The following CCDC85A variants were observed in gnomAD, a reference collection of about 807,000 sequenced individuals.
CCDC85A encodes coiled-coil domain-containing protein 85A.
Under a neutral mutation model 50.2 loss-of-function variants are expected in CCDC85A, and 38 were observed. The observed-to-expected ratio is 0.76, with a 90% CI of 0.58 to 0.99. CCDC85A has a LOEUF of 0.99. Among genes scored for constraint, CCDC85A ranks in the 50% least tolerant of loss-of-function variants. CCDC85A has a pLI of 0.00. For missense variants in CCDC85A, 820 were observed against 742.0 expected (o/e 1.11, Z -1.22); for synonymous variants, 366 against 301.4 (o/e 1.21, Z -2.22).
At chr2:56,195,458 T>A (rs1676486984) in intron 2 of CCDC85A, among the ~76,000 whole-genome samples, 2 of 152,226 alleles carry the variant, frequency 1.3e-5, no homozygotes, top group South Asian at 2.1e-4. Flanking sequence ...AAGTGACCAA[T>A]CTTATGCTGA....
At chr2:56,276,596 T>C (rs116484010) in intron 2 of CCDC85A, among the ~76,000 whole-genome samples, 1,742 of 152,258 alleles carry the variant, frequency 0.011, 25 homozygotes, top group African/African-American at 0.038. Context: ...CCACGTGAGA[T>C]GTGCCTTTCA....
chr2:56,365,326 A>C (rs1034491966), intron 3 of CCDC85A, among the ~76,000 whole-genome samples: 2 of 152,198 alleles, frequency 1.3e-5, no homozygotes, highest in African/African-American at 4.8e-5. Context: ...TTGCAGCCAC[A>C]GTTATGTGCC....
chr2:56,219,188 A>T (rs906929453), intron 2 of CCDC85A, among the ~76,000 whole-genome samples: 6 of 148,966 alleles, frequency 4.0e-5, no homozygotes, highest in Non-Finnish European at 8.9e-5. Flanking sequence ...CAAAAGTAGT[A>T]GTATAGAGTG....
chr2:56,244,068 C>T (rs976547452), intron 2 of CCDC85A, among the ~76,000 whole-genome samples: 1 of 152,174 alleles, frequency 6.6e-6, no homozygotes, highest in Non-Finnish European at 1.5e-5. Context: ...ATAACCACTA[C>T]CTGTCTACTG....
At chr2:56,207,679 C>T (rs1677012440) in intron 2 of CCDC85A, among the ~76,000 whole-genome samples, 1 of 152,104 alleles carries the variant, frequency 6.6e-6, no homozygotes, top group Non-Finnish European at 1.5e-5. Flanking sequence ...AAAACTTTCA[C>T]CTTCAGTTTC....
intron 1 of CCDC85A, among the ~76,000 whole-genome samples, chr2:56,191,225 A>T (rs899062877): frequency 6.6e-6 from 1 of 152,176 alleles, no homozygotes; most frequent in Non-Finnish European, 1.5e-5. Context: ...AACCTGCTTC[A>T]ATTTTCCTTC....
At chr2:56,328,540 C>G (rs1219644833) in intron 2 of CCDC85A, among the ~76,000 whole-genome samples, 1 of 152,138 alleles carries the variant, frequency 6.6e-6, no homozygotes, top group Non-Finnish European at 1.5e-5. Context: ...TCTCTGAGCT[C>G]CAGACCCACC....
chr2:56,367,802 G>A (rs1675875164), intron 3 of CCDC85A, among the ~76,000 whole-genome samples: 1 of 152,122 alleles, frequency 6.6e-6, no homozygotes, highest in Admixed American at 6.6e-5. Flanking sequence ...AAACATTCAT[G>A]ATAAGGACAG....
intron 2 of CCDC85A, among the ~76,000 whole-genome samples, chr2:56,254,891 G>A (rs71414582): frequency 0.019 from 2,860 of 152,286 alleles, 41 homozygotes; most frequent in Non-Finnish European, 0.028. Context: ...AGTGAAAGCA[G>A]GCTAGGTTAT....
chr2:56,264,993 A>G (rs1670375376), intron 2 of CCDC85A, among the ~76,000 whole-genome samples: 1 of 152,184 alleles, frequency 6.6e-6, no homozygotes, highest in Admixed American at 6.6e-5. Context: ...TTGCCTGTGT[A>G]AAATAACACA....
chr2:56,347,839 A>T (rs1003251024), intron 3 of CCDC85A, among the ~76,000 whole-genome samples: 4 of 152,222 alleles, frequency 2.6e-5, no homozygotes, highest in South Asian at 2.1e-4. Context: ...TCCATTCATT[A>T]TCCTTTTCTT....
At chr2:56,255,374 C>T (rs1669939464) in intron 2 of CCDC85A, among the ~76,000 whole-genome samples, 2 of 152,020 alleles carry the variant, frequency 1.3e-5, no homozygotes, top group African/African-American at 2.4e-5. Flanking sequence ...GGGGAGGTAG[C>T]CTTTAGCTCC....
chr2:56,241,672 A>T (rs1029650864), intron 2 of CCDC85A, among the ~76,000 whole-genome samples: 1 of 152,208 alleles, frequency 6.6e-6, no homozygotes, highest in Non-Finnish European at 1.5e-5. Context: ...CTCATTCTTT[A>T]TGATGGCTGA....
chr2:56,384,299 T>C lies in CCDC85A; in HGVS notation c.1606T>C (p.Ser536Pro), dbSNP rs759304798. 1.1e-5 allele frequency: 17 copies of C among 1,611,470 alleles called. No homozygotes were observed. The highest frequency in any genetic ancestry group is 1.7e-4 in the Middle Eastern group (1 of 6,050). Reference sequence around the variant, plus strand: ...GAGGAAACTTGGAGATGCTGCAGGTTCGTGTCCTGGAATTAGGCAACATTT... The same window carrying C: ...GAGGAAACTTGGAGATGCTGCAGGTCCGTGTCCTGGAATTAGGCAACATTT... ...VWRKLGDAAG[S>P]CPGIRQHLSG... The change falls in exon 6 of 6, where the codon TCG becomes CCG. Residue 536 changes from serine (S) to proline (P), a missense_variant. By Grantham distance (74) the Ser-to-Pro change is moderately conservative. Coordinates refer to ENST00000407595, the MANE Select transcript of CCDC85A (RefSeq NM_001080433.2).
chr2:56,371,163 C>A (rs565085421), intron 3 of CCDC85A, among the ~76,000 whole-genome samples: 1 of 151,958 alleles, frequency 6.6e-6, no homozygotes, highest in African/African-American at 2.4e-5. Context: ...ATATAATTGC[C>A]TCTGTTATAC....
intron 2 of CCDC85A, among the ~76,000 whole-genome samples, chr2:56,259,222 G>A (rs1382080510): frequency 6.6e-6 from 1 of 152,140 alleles, no homozygotes; most frequent in African/African-American, 2.4e-5. Context: ...CACTGTTTTT[G>A]GGTAAGGCTT....
chr2:56,356,425 T>C (rs1018477371), intron 3 of CCDC85A, among the ~76,000 whole-genome samples: 1 of 152,216 alleles, frequency 6.6e-6, no homozygotes, highest in Admixed American at 6.5e-5. Flanking sequence ...TAGTAAGTTC[T>C]CTAAATGGTC....
At chr2:56,201,910 T>C (rs916259163) in intron 2 of CCDC85A, among the ~76,000 whole-genome samples, 12 of 152,148 alleles carry the variant, frequency 7.9e-5, no homozygotes, top group Non-Finnish European at 1.6e-4. Flanking sequence ...AATGAAATGA[T>C]TGACTTCCAA....
intron 2 of CCDC85A, among the ~76,000 whole-genome samples, chr2:56,296,317 G>A (rs1003901283): frequency 6.6e-6 from 1 of 152,134 alleles, no homozygotes; most frequent in Non-Finnish European, 1.5e-5. Flanking sequence ...ACTGTGCCAG[G>A]ATGTTATGAA....
Sources: gnomAD v4.1 joint callset for allele counts (sites outside exome capture counted in the v4.1 genomes callset) on GRCh38, gnomAD v4.1.1 for gene constraint, MANE v1.5 for transcripts, NCBI Gene and HGNC (gene_info 2026-07-23, HGNC 2026-07-21) for gene names.